Variants in FSTL4 observed in about 807,000 individuals in gnomAD.
FSTL4 encodes the protein follistatin-related protein 4.
Under a neutral mutation model 78.2 loss-of-function variants are expected in FSTL4, and 28 were observed. The ratio of observed to expected loss-of-function variants is 0.36; its 90% confidence interval spans 0.27 to 0.49. The LOEUF (loss-of-function observed/expected upper bound fraction) is 0.49, where lower values mean the gene tolerates loss of function less well. Ranked by LOEUF, FSTL4 falls within the 20% of genes least tolerant of loss-of-function variation. FSTL4 has a pLI of 0.98. For missense variants in FSTL4, 922 were observed against 1,084.9 expected, an observed-to-expected ratio of 0.85 and a Z score of 2.11; for synonymous variants, 422 against 440.5, an observed-to-expected ratio of 0.96 and a Z score of 0.53.
chr5:133,753,222 C>G, the FSTL4 span, among the ~76,000 whole-genome samples: 1 of 152,240 alleles, frequency 6.6e-6, no homozygotes, highest in Admixed American at 6.5e-5. Context: ...CCTCTGCTCC[C>G]TGCTCTGCAT....
At chr5:133,793,976 CT>C in the FSTL4 span, among the ~76,000 whole-genome samples, 8 of 152,358 alleles carry the variant, frequency 5.3e-5, no homozygotes, top group Non-Finnish European at 1.2e-4. Flanking sequence ...GAGAAGCCAT[CT>C]GCTTGTGTGC....
intron 2 of FSTL4, among the ~76,000 whole-genome samples, chr5:133,589,482 T>C (rs114596907): frequency 0.015 from 2,241 of 152,010 alleles, 50 homozygotes; most frequent in African/African-American, 0.051. Context: ...AAGTCCCCAG[T>C]GGAATCCTGG....
chr5:133,469,435 C>T (rs1757775029), intron 3 of FSTL4, among the ~76,000 whole-genome samples: 1 of 152,170 alleles, frequency 6.6e-6, no homozygotes, highest in Admixed American at 6.5e-5. Flanking sequence ...CCCAGTTTTC[C>T]ACTTTAAGCA....
chr5:133,603,854 A>G lies in FSTL4; in HGVS notation c.126+4T>C. 1.2e-6 allele frequency: 2 copies of G among 1,614,046 alleles called. No individual in the cohort carries two copies. Among genetic ancestry groups the G allele is most frequent in the South Asian group, 1.1e-5 (1 of 91,088 alleles). ...ATGTTATGTCCGCAGGGATTTGACT[A>G]TACCTCTGCCTGTGACTCCCCCACA... On this transcript the variant is annotated splice_donor_region_variant and intron_variant, in intron 2 of 15. Transcript: ENST00000265342.
chr5:133,748,448 G>C, the FSTL4 span, among the ~76,000 whole-genome samples: 1 of 151,814 alleles, frequency 6.6e-6, no homozygotes, highest in African/African-American at 2.4e-5. Flanking sequence ...GTGTATCCCT[G>C]TAATCCCAGC....
intron 7 of FSTL4, among the ~76,000 whole-genome samples, chr5:133,237,414 G>C (rs552401566): frequency 9.9e-5 from 15 of 152,180 alleles, no homozygotes; most frequent in African/African-American, 3.4e-4. Flanking sequence ...ACACATCCCT[G>C]CTCCCCAGGA....
At chr5:133,322,249 CCA>C (rs59631735) in intron 4 of FSTL4, among the ~76,000 whole-genome samples, 14 of 138,666 alleles carry the variant, frequency 1.0e-4, no homozygotes, top group Admixed American at 4.2e-4. Flanking sequence ...ACCCCCACAC[CCA>C]CCCACACCCA....
chr5:133,749,444 C>T, the FSTL4 span, among the ~76,000 whole-genome samples: 1 of 152,218 alleles, frequency 6.6e-6, no homozygotes, highest in Admixed American at 6.5e-5. Context: ...CACACAGTTG[C>T]TATTGCAGTG....
At chr5:133,781,563 C>G in the FSTL4 span, among the ~76,000 whole-genome samples, 1 of 152,128 alleles carries the variant, frequency 6.6e-6, no homozygotes, top group East Asian at 1.9e-4. Flanking sequence ...TACCACAGTG[C>G]TAGAGACTGG....
intron 6 of FSTL4, among the ~76,000 whole-genome samples, chr5:133,277,913 C>T (rs1385891613): frequency 2.6e-5 from 4 of 152,190 alleles, no homozygotes; most frequent in Admixed American, 6.5e-5. Context: ...AAAGACGCCA[C>T]GCGACAAGGG....
chr5:133,413,342 G>A (rs938629927), intron 3 of FSTL4, among the ~76,000 whole-genome samples: 1 of 151,780 alleles, frequency 6.6e-6, no homozygotes, highest in East Asian at 1.9e-4. Flanking sequence ...TCTTATGTTC[G>A]TGTATTTTTT....
chr5:133,535,086 A>G (rs1462514553), intron 3 of FSTL4, among the ~76,000 whole-genome samples: 1 of 152,184 alleles, frequency 6.6e-6, no homozygotes, highest in Non-Finnish European at 1.5e-5. Context: ...TGGCCTCATA[A>G]GAAGAGGCAC....
chr5:133,548,013 C>T (rs1759618047), intron 3 of FSTL4, among the ~76,000 whole-genome samples: 2 of 152,264 alleles, frequency 1.3e-5, no homozygotes, highest in South Asian at 2.1e-4. Context: ...TTGGTGAACA[C>T]ACTGATGTGC....
intron 3 of FSTL4, among the ~76,000 whole-genome samples, chr5:133,450,548 G>C (rs1757361502): frequency 6.6e-6 from 1 of 152,256 alleles, no homozygotes; most frequent in Non-Finnish European, 1.5e-5. Context: ...GTTAAAAAAA[G>C]TGCATGAGCA....
rs553321039 is a variant in FSTL4, at chr5:133,231,689, C to T, written c.1015+1728G>A. ...TCCCAAGTAGCTGGGATTACAGGCA[C>T]GTGCCACCACACATGGCTAATTTTT... On this transcript the variant is annotated intron_variant, in intron 8 of 15. Coordinates refer to ENST00000265342, the MANE Select transcript of FSTL4 (RefSeq NM_015082.2). Among the ~76,000 whole-genome samples the T allele has an allele frequency of 3.9e-5, 6 of 152,242 alleles. No homozygotes were observed. The East Asian group carries it at 9.7e-4, about 25-fold the overall frequency.
At chr5:133,696,269 G>T in the FSTL4 span, among the ~76,000 whole-genome samples, 1 of 152,202 alleles carries the variant, frequency 6.6e-6, no homozygotes, top group Admixed American at 6.5e-5. Flanking sequence ...GGACTGGGGG[G>T]TATCTTTGGT....
At chr5:133,296,170 G>A (rs1048520718) in intron 6 of FSTL4, among the ~76,000 whole-genome samples, 1 of 152,134 alleles carries the variant, frequency 6.6e-6, no homozygotes, top group Non-Finnish European at 1.5e-5. Flanking sequence ...AAACCCTGGA[G>A]TTATCCTGGA....
At position 133,567,196 on chromosome 5, in the gene FSTL4, T is replaced by C; in HGVS notation, c.150A>G (p.Thr50=). 6.2e-7 allele frequency: 1 copy of C among 1,608,932 alleles called. No homozygotes were observed. Among genetic ancestry groups the C allele is most frequent in the Non-Finnish European group, 8.5e-7 (1 of 1,175,226 alleles). The part of the protein sequence containing the change: ...QAEEPRSFEV[T]RREGLSSHNE... ...GTGCATTTTTCCTACCTTCTCTTCTTGTGACTTCAAAGCTTCTGGGCTCCT... is the reference window on the plus strand; with the variant it reads ...GTGCATTTTTCCTACCTTCTCTTCTCGTGACTTCAAAGCTTCTGGGCTCCT... Residue 50 remains threonine (T), a synonymous_variant, in exon 3 of 16, where the codon ACA becomes ACG. Transcript: ENST00000265342.
chr5:133,753,442 G>A, the FSTL4 span, among the ~76,000 whole-genome samples: 2 of 152,182 alleles, frequency 1.3e-5, no homozygotes, highest in Admixed American at 1.3e-4. Context: ...GGACCCAGGA[G>A]TCCCTAATCT....
Sources: allele counts gnomAD v4.1 joint callset (sites outside exome capture counted in the v4.1 genomes callset), GRCh38; gene constraint gnomAD v4.1.1; transcripts MANE v1.5; gene names NCBI Gene and HGNC (gene_info 2026-07-23, HGNC 2026-07-21).